GID4: variants seen among roughly 807,000 people sequenced by gnomAD.
GID4 encodes GID complex subunit 4 homolog.
A neutral mutation model predicts 32.4 loss-of-function variants in GID4; 7 were observed. That is an observed-to-expected ratio of 0.22 (90% CI 0.12 to 0.41). The LOEUF (loss-of-function observed/expected upper bound fraction) is 0.41, where lower values mean the gene tolerates loss of function less well. Ranked by LOEUF, GID4 falls within the 10% of genes least tolerant of loss-of-function variation. The pLI is 1.00. For synonymous variants in GID4, 166 were observed against 170.0 expected, an observed-to-expected ratio of 0.98 and a Z score of 0.18; for missense variants, 309 against 400.0, an observed-to-expected ratio of 0.77 and a Z score of 1.94.
At chr17:18,041,314 C>T (rs538898254) in intron 1 of GID4, among the ~76,000 whole-genome samples, 1 of 152,322 alleles carries the variant, frequency 6.6e-6, no homozygotes, top group African/African-American at 2.4e-5. Context: ...GAGTAGGTCT[C>T]CCATCCAAAA....
Position 18,049,623 on chromosome 17 carries a change from C to T in GID4, c.498+4417C>T, listed in dbSNP as rs777684569. On this transcript the variant is annotated intron_variant, in intron 2 of 5. Coordinates refer to ENST00000268719, the MANE Select transcript of GID4 (RefSeq NM_024052.5). Reference sequence around the variant, plus strand: ...CTCCTACCCTCTACCCTCAAGTAGGCCCCATTGTCTGTTCTTCCCTTCTTT... The same window carrying T: ...CTCCTACCCTCTACCCTCAAGTAGGTCCCATTGTCTGTTCTTCCCTTCTTT... 2.0e-5 allele frequency among the ~76,000 whole-genome samples: 3 copies of T among 151,948 alleles called. No individual in the cohort carries two copies. The South Asian group carries it at 6.2e-4, about 32-fold the overall frequency.
chr17:18,061,762 A>T lies in GID4; in HGVS notation c.709-83A>T. 7.3e-7 allele frequency: 1 copy of T among 1,366,958 alleles called. No homozygotes were observed. Among genetic ancestry groups the T allele is most frequent in the Non-Finnish European group, 1.0e-6 (1 of 963,916 alleles). The allele number at this position is 1,366,958 out of a possible 1,614,324, so 84.7% of individuals were successfully genotyped here. ...CCTATATTTTTCTCGAGTGGTCCTT[A>T]GAACCCCCTGATGCTTAACAGGGAG... On this transcript the variant is annotated intron_variant, in intron 4 of 5. Transcript: ENST00000268719. This position sits in a 1 kb window ranked among gnomAD's most constrained non-coding sequence, Gnocchi z 4.4.
At chr17:18,051,630 G>A (rs150551527) in intron 2 of GID4, among the ~76,000 whole-genome samples, 2,544 of 150,882 alleles carry the variant, frequency 0.017, 77 homozygotes, top group African/African-American at 0.059. Context: ...AGCCAAGGTT[G>A]TACCACTGCA....
intron 3 of GID4, chr17:18,057,142 C>A: frequency 7.5e-7 from 1 of 1,327,796 alleles, no homozygotes; most frequent in Non-Finnish European, 1.0e-6. Context: ...ATAAAAATGT[C>A]TATGTGACAC....
At chr17:18,058,382 T>G (rs1357723403) in intron 3 of GID4, among the ~76,000 whole-genome samples, 1 of 152,216 alleles carries the variant, frequency 6.6e-6, no homozygotes. Context: ...AAGGCTATCA[T>G]GTGTTTCTAG....
intron 2 of GID4, among the ~76,000 whole-genome samples, chr17:18,052,013 G>A (rs2044914585): frequency 6.6e-6 from 1 of 151,282 alleles, no homozygotes; most frequent in South Asian, 2.1e-4. Context: ...GGCAGAGGTT[G>A]CAGTGAGCCG....
intron 3 of GID4, among the ~76,000 whole-genome samples, chr17:18,058,037 G>A (rs2044985626): frequency 6.6e-6 from 1 of 152,160 alleles, no homozygotes; most frequent in Admixed American, 6.5e-5. Context: ...GTTTCATCGT[G>A]TTAGCCAGGA....
Position 18,039,793 on chromosome 17 carries a change from T to C in GID4, c.329T>C (p.Ile110Thr). ...GCCTCACTCATCCCGCCGCCGCCCA[T>C]CAACACCCAGCAGCCCGGCGTGGCC... ...SAASLIPPPP[I>T]NTQQPGVATS... is the part of the protein sequence containing the mutation. Residue 110 changes from isoleucine to threonine, a missense_variant, in exon 1 of 6, where the codon ATC (isoleucine) becomes ACC (threonine). Physicochemically the swap from Ile to Thr is moderately conservative, Grantham distance 89 (BLOSUM62 -1). Transcript: ENST00000268719. This position sits in a 1 kb window ranked among gnomAD's most constrained non-coding sequence, Gnocchi z 5.3. 6.3e-7 allele frequency: 1 copy of C among 1,576,568 alleles called. No homozygotes were observed. The highest frequency in any genetic ancestry group is 8.6e-7 in the Non-Finnish European group (1 of 1,162,888).
intron 3 of GID4, chr17:18,057,063 G>C: frequency 6.5e-7 from 1 of 1,532,386 alleles, no homozygotes; most frequent in Non-Finnish European, 8.8e-7. Context: ...AGATTTTCCT[G>C]AGTGGTATTT....
chr17:18,051,794 G>C (rs774392953), intron 2 of GID4, among the ~76,000 whole-genome samples: 2 of 148,358 alleles, frequency 1.3e-5, no homozygotes, highest in African/African-American at 5.0e-5. Context: ...GTTTATACCG[G>C]CTGGGTGCGG....
In GID4 at chr17:18,039,554, G is replaced by A. The variant is rs1567582437; in HGVS notation, c.90G>A (p.Glu30=). The A allele has an allele frequency of 1.5e-5, 19 of 1,305,400 alleles. No individual in the cohort carries two copies. Among genetic ancestry groups the A allele is most frequent in the Admixed American group, 4.2e-5 (1 of 24,060 alleles). 80.9% of individuals were successfully genotyped at this position (1,305,400 alleles called of 1,614,324 possible). ...TCCCTGGGTCCCGGTGGCGGCCGGA[G>A]CGCTTGCTCCGCAGGCAGCGGGCGG... The part of the protein sequence containing the change: ...SQVPGSRWRP[E]RLLRRQRAGG... Residue 30 remains glutamate (E), a synonymous_variant, in exon 1 of 6, where the codon GAG becomes GAA. Transcript: ENST00000268719. This position sits in a 1 kb window ranked among gnomAD's most constrained non-coding sequence, Gnocchi z 5.3.
rs138125030 is a variant in GID4 at position 18,062,008 on chromosome 17, G to C, written c.839+33G>C. The C allele has an allele frequency of 6.4e-4, 1,032 of 1,608,552 alleles. 3 individuals carry two copies. The highest frequency in any genetic ancestry group is 4.0e-3 in the Middle Eastern group (23 of 5,722). ...CCTCTGAGGACAGAGGCCACGGGGA[G>C]GGCTTGCTGCCCAGCTGGCTCTCCC... On this transcript the variant is annotated intron_variant, in intron 5 of 5. Transcript: ENST00000268719.
chr17:18,052,431 G>C (rs1015332245), intron 2 of GID4, among the ~76,000 whole-genome samples: 2 of 152,112 alleles, frequency 1.3e-5, no homozygotes, highest in East Asian at 1.9e-4. Flanking sequence ...TGGTAGATGT[G>C]GCAAAGCCAT....
Position 18,039,617 on chromosome 17 carries a change from C to A in GID4, c.153C>A (p.Arg51=). ...CCCGCCCCCACCCCGCGCGTGCGCG[C>A]CCCGGCCTCTCCCTCCCCGCCACCC... ...RPSRPHPARA[R]PGLSLPATLL... is the part of the protein sequence containing the mutation. The change falls in exon 1 of 6, where the codon CGC becomes CGA. Residue 51 remains arginine (R), a synonymous_variant. Coordinates refer to ENST00000268719, the MANE Select transcript of GID4 (RefSeq NM_024052.5). The surrounding 1 kb of genome is among the most constrained non-coding windows in gnomAD (Gnocchi z 5.3). 1 of 1,283,960 alleles carries A rather than the reference C, an allele frequency of 7.8e-7. No homozygotes were observed. Among genetic ancestry groups the A allele is most frequent in the East Asian group, 3.2e-5 (1 of 31,564 alleles). The allele number at this position is 1,283,960 out of a possible 1,614,324, so 79.5% of individuals were successfully genotyped here.
At chr17:18,049,682 A>G (rs1431950258) in intron 2 of GID4, among the ~76,000 whole-genome samples, 1 of 151,476 alleles carries the variant, frequency 6.6e-6, no homozygotes, top group Admixed American at 6.6e-5. Flanking sequence ...TCTGTTGCCC[A>G]GGCTTGAGTG....
At chr17:18,053,432 G>A (rs1051267120) in intron 2 of GID4, among the ~76,000 whole-genome samples, 1 of 151,788 alleles carries the variant, frequency 6.6e-6, no homozygotes, top group African/African-American at 2.4e-5. Flanking sequence ...GGCCAACATG[G>A]CGAAACCCCG....
chr17:18,040,091 C>T (rs892363735), intron 1 of GID4, among the ~76,000 whole-genome samples, 189 bp downstream of exon 1: 1 of 152,142 alleles, frequency 6.6e-6, no homozygotes, highest in Non-Finnish European at 1.5e-5. Flanking sequence ...CCTGACCTGC[C>T]CCTTCGGACC....
At chr17:18,054,049 A>G in intron 2 of GID4, 78 bp from the exon 3 acceptor site, 1 of 784,012 alleles carries the variant, frequency 1.3e-6, no homozygotes, top group Non-Finnish European at 2.1e-6. Flanking sequence ...AAGTTAAAGC[A>G]AAGTTTATTT....
intron 2 of GID4, among the ~76,000 whole-genome samples, chr17:18,048,299 G>A (rs1039149757): frequency 2.0e-5 from 3 of 146,696 alleles, no homozygotes; most frequent in Non-Finnish European, 4.5e-5. Flanking sequence ...AAGTTCAAGC[G>A]ATTCTCCTGC....
Sources: allele counts gnomAD v4.1 joint callset (sites outside exome capture counted in the v4.1 genomes callset), GRCh38; gene constraint gnomAD v4.1.1; non-coding constraint Gnocchi (gnomAD v3.1); transcripts MANE v1.5; gene names NCBI Gene and HGNC (gene_info 2026-07-23, HGNC 2026-07-21).